APBA2: variants seen among roughly 807,000 people sequenced by gnomAD.
APBA2 encodes the protein amyloid-beta A4 precursor protein-binding family A member 2.
A neutral mutation model predicts 75.0 loss-of-function variants in APBA2; 30 were observed. The observed-to-expected ratio is 0.40, with a 90% CI of 0.30 to 0.54. The LOEUF is 0.54. APBA2 is among the 20% of genes least tolerant of loss of function. The probability of loss-of-function intolerance (pLI) is 0.49; values close to 1 mark genes in which losing one functional copy is unlikely to be tolerated. For synonymous variants in APBA2, 444 were observed against 409.6 expected (o/e 1.08, Z -1.01); for missense variants, 801 against 1,016.1 (o/e 0.79, Z 2.88).
At chr15:29,113,182 T>TCG (rs1448525361) in intron 13 of APBA2, among the ~76,000 whole-genome samples, 1 of 152,072 alleles carries the variant, frequency 6.6e-6, no homozygotes, top group South Asian at 2.1e-4. Context: ...CTGTCCAGTC[T>TCG]CGTGGTCACA....
At chr15:28,978,935 C>T (rs1369675515) in intron 2 of APBA2, among the ~76,000 whole-genome samples, 1 of 152,236 alleles carries the variant, frequency 6.6e-6, no homozygotes, top group Non-Finnish European at 1.5e-5. Flanking sequence ...GGGCTCTATG[C>T]CCGGCAGGTC....
intron 2 of APBA2, among the ~76,000 whole-genome samples, chr15:28,958,043 C>T (rs2036268212): frequency 6.6e-6 from 1 of 152,164 alleles, no homozygotes; most frequent in African/African-American, 2.4e-5. Flanking sequence ...GCAGAAGTGG[C>T]CAGCACTTGC....
chr15:28,984,191 C>T (rs80023624), intron 2 of APBA2, among the ~76,000 whole-genome samples: 48 of 152,024 alleles, frequency 3.2e-4, no homozygotes, highest in Middle Eastern at 3.4e-3. Context: ...AGCAAGCTCT[C>T]GAGGCGTTAT....
intron 4 of APBA2, among the ~76,000 whole-genome samples, chr15:29,060,823 G>A (rs1027379182): frequency 5.3e-5 from 8 of 152,022 alleles, no homozygotes; most frequent in Non-Finnish European, 8.8e-5. Context: ...GAATACATGA[G>A]TTGGGTCCAG....
chr15:29,117,029 G>C lies in APBA2; in HGVS notation c.2179-33G>C, dbSNP rs772526415. 3.1e-6 allele frequency: 5 copies of C among 1,608,588 alleles called. No individual in the cohort carries two copies. In the South Asian group the frequency reaches 3.3e-5, roughly 11 times the overall value. On this transcript the variant is annotated intron_variant, in intron 14 of 14. Transcript: ENST00000683413. ...CTGATTGTGGGAGGGGAGGTGGGAG[G>C]GCAGCGGCTCAGCCTCCTGTTTCTG...
intron 3 of APBA2, among the ~76,000 whole-genome samples, chr15:28,997,137 C>T (rs1302025762): frequency 6.6e-6 from 1 of 152,208 alleles, no homozygotes; most frequent in Non-Finnish European, 1.5e-5. Flanking sequence ...GGCAGGAATT[C>T]CCTTGCATCC....
chr15:29,117,159 A>G lies in APBA2; in HGVS notation c.*26A>G. On this transcript the variant is annotated 3_prime_UTR_variant, in exon 15 of 15. Coordinates refer to ENST00000683413, the MANE Select transcript of APBA2 (RefSeq NM_001353788.2). ...GCCACCCCAGCCTGGCCACGCAGCC[A>G]GGACACCGGGCAGGGCCGCCCGGGC... The G allele has an allele frequency of 6.2e-7, 1 of 1,611,550 alleles. No individual in the cohort carries two copies. Among genetic ancestry groups the G allele is most frequent in the Non-Finnish European group, 8.5e-7 (1 of 1,178,770 alleles).
chr15:29,098,581 G>A lies in APBA2; in HGVS notation c.1338+5G>A. The A allele has an allele frequency of 6.2e-7, 1 of 1,611,890 alleles. No individual in the cohort carries two copies. The highest frequency in any genetic ancestry group is 8.5e-7 in the Non-Finnish European group (1 of 1,177,990). On this transcript the variant is annotated splice_donor_5th_base_variant and intron_variant, in intron 9 of 14. Transcript: ENST00000683413. ...GTTTTAAATGCAGACACGCAGGTAA[G>A]CGTTTAAGACAGTTGTTCAAAATCA...
At chr15:29,061,232 G>C (rs1056387672) in intron 4 of APBA2, among the ~76,000 whole-genome samples, 2 of 152,168 alleles carry the variant, frequency 1.3e-5, no homozygotes, top group Non-Finnish European at 2.9e-5. Context: ...CATCCCACCT[G>C]TTACCTTGTG....
At position 29,117,691 on chromosome 15, in the gene APBA2, T is replaced by C. The variant is rs1337512164; in HGVS notation, c.*558T>C. 2 of 157,510 alleles carry C rather than the reference T, an allele frequency of 1.3e-5. No homozygotes were observed. Among genetic ancestry groups the C allele is most frequent in the Admixed American group, 1.2e-4 (2 of 16,836 alleles). 9.8% of individuals were successfully genotyped at this position (157,510 alleles called of 1,614,324 possible). ...ATGTGATTGATTGATTGATTGTAAATAAAGGATGATGGCCACAACATGAAA... is the reference window on the plus strand; with the variant it reads ...ATGTGATTGATTGATTGATTGTAAACAAAGGATGATGGCCACAACATGAAA... On this transcript the variant is annotated 3_prime_UTR_variant, in exon 15 of 15. Coordinates refer to ENST00000683413, the MANE Select transcript of APBA2 (RefSeq NM_001353788.2).
intron 2 of APBA2, among the ~76,000 whole-genome samples, chr15:28,984,724 T>C (rs1456650445): frequency 2.0e-5 from 3 of 150,004 alleles, no homozygotes; most frequent in Non-Finnish European, 4.4e-5. Context: ...TCTCTGGGGG[T>C]TGGGAGAGCT....
intron 1 of APBA2, among the ~76,000 whole-genome samples, chr15:28,887,894 A>C (rs149211337): frequency 0.029 from 4,369 of 152,120 alleles, 209 homozygotes; most frequent in African/African-American, 0.098. Flanking sequence ...TTTATTAGGA[A>C]GTGTGGTCTG....
intron 14 of APBA2, among the ~76,000 whole-genome samples, chr15:29,116,408 C>G (rs1414794528): frequency 6.6e-6 from 1 of 152,100 alleles, no homozygotes; most frequent in Non-Finnish European, 1.5e-5. Flanking sequence ...GGGCGTATCA[C>G]GAGGTCGGGA....
chr15:28,983,289 G>T (rs1333000386), intron 2 of APBA2, among the ~76,000 whole-genome samples: 1 of 152,162 alleles, frequency 6.6e-6, no homozygotes, highest in African/African-American at 2.4e-5. Flanking sequence ...AGTAGAACCT[G>T]ATTTTGAAAA....
intron 4 of APBA2, among the ~76,000 whole-genome samples, chr15:29,072,322 G>A (rs987442642): frequency 6.6e-6 from 1 of 152,138 alleles, no homozygotes; most frequent in African/African-American, 2.4e-5. Flanking sequence ...AGACAAGTGG[G>A]TAAAATACCG....
At chr15:29,100,052 G>A (rs755791870) in intron 9 of APBA2, among the ~76,000 whole-genome samples, 6 of 152,220 alleles carry the variant, frequency 3.9e-5, no homozygotes, top group Non-Finnish European at 8.8e-5. Flanking sequence ...CTGGAGAGGA[G>A]GGAACAGGTG....
chr15:28,937,443 G>A (rs1347409238), intron 2 of APBA2, among the ~76,000 whole-genome samples: 1 of 152,046 alleles, frequency 6.6e-6, no homozygotes, highest in Non-Finnish European at 1.5e-5. Flanking sequence ...TCTGAACATC[G>A]CTGGCAGGTC....
chr15:28,995,048 C>T (rs1170582068), intron 2 of APBA2, among the ~76,000 whole-genome samples: 3 of 152,138 alleles, frequency 2.0e-5, no homozygotes, highest in Non-Finnish European at 2.9e-5. Flanking sequence ...TTGAACACCC[C>T]TCCTCCTGTT....
In APBA2 at chr15:29,098,512, C is replaced by T. The variant is rs371370074; in HGVS notation, c.1274C>T (p.Thr425Met). 43 of 1,614,106 alleles carry T rather than the reference C, an allele frequency of 2.7e-5. No individual in the cohort carries two copies. The highest frequency in any genetic ancestry group is 1.6e-4 in the Middle Eastern group (1 of 6,062). Residue 425 changes from threonine to methionine, a missense_variant, in exon 9 of 15, where the codon ACG (threonine) becomes ATG (methionine). Around this residue, in one of 2 missense-constraint regions of APBA2, gnomAD observed 367 missense variants for 544.5 expected, o/e 0.67. Transcript: ENST00000683413. The stretch of plus-strand genomic sequence containing the variant: ...TAGAATTCTGAGGGGGATGCCCAGA[C>T]GCTGACGGAAGTGGACCTCTTCATT... ...KKANSEGDAQ[T>M]LTEVDLFIST...
Sources: allele counts gnomAD v4.1 joint callset (sites outside exome capture counted in the v4.1 genomes callset), GRCh38; gene constraint gnomAD v4.1.1; regional missense constraint gnomAD v4.1.1; transcripts MANE v1.5; gene names NCBI Gene and HGNC (gene_info 2026-07-23, HGNC 2026-07-21).